Variants in SDHAF3 observed in about 807,000 individuals in gnomAD.
SDHAF3 encodes succinate dehydrogenase complex assembly factor 3.
A neutral mutation model predicts 11.5 loss-of-function variants in SDHAF3; 18 were observed. The ratio of observed to expected loss-of-function variants is 1.56; its 90% CI spans 1.08 to 2.32. The LOEUF (loss-of-function observed/expected upper bound fraction) is 2.32, where lower values mean the gene tolerates loss of function less well. Ranked by LOEUF, SDHAF3 falls within the 30% of genes most tolerant of loss-of-function variation. The probability of loss-of-function intolerance (pLI) is 0.00; values close to 1 mark genes in which losing one functional copy is unlikely to be tolerated. For synonymous variants in SDHAF3, 72 were observed against 59.3 expected, an observed-to-expected ratio of 1.21 and a Z score of -0.99; for missense variants, 200 against 154.4, an observed-to-expected ratio of 1.30 and a Z score of -1.57.
intron 1 of SDHAF3, among the ~76,000 whole-genome samples, chr7:97,155,718 T>C (rs1244603360): frequency 2.0e-5 from 3 of 152,150 alleles, no homozygotes; most frequent in African/African-American, 7.2e-5. Flanking sequence ...TGGGGATATA[T>C]GGACAGTAGT....
chr7:97,179,790 T>G (rs1440582616), intron 1 of SDHAF3, among the ~76,000 whole-genome samples: 1 of 146,932 alleles, frequency 6.8e-6, no homozygotes, highest in Non-Finnish European at 1.5e-5. Context: ...AGAAGTGGAA[T>G]TGATAAAACT....
At position 97,154,878 on chromosome 7, in the gene SDHAF3, G is replaced by A. The variant is rs145540350; in HGVS notation, c.175-26134G>A. Among the ~76,000 whole-genome samples the A allele has an allele frequency of 2.2e-3, 336 of 152,236 alleles. 1 individual carries two copies. The highest frequency in any genetic ancestry group is 7.7e-3 in the African/African-American group (320 of 41,530). On this transcript the variant is annotated intron_variant, in intron 1 of 1. Transcript: ENST00000432641. ...CTTAGGGATATCCAGTTGCTTCAGC[G>A]TAATTTGTTAAAAGACTATTTCTCC...
At chr7:97,166,003 C>G (rs1358513997) in intron 1 of SDHAF3, among the ~76,000 whole-genome samples, 1 of 152,134 alleles carries the variant, frequency 6.6e-6, no homozygotes, top group Non-Finnish European at 1.5e-5. Context: ...AGAGGCAAAC[C>G]TGGGGCAGGG....
In SDHAF3 at chr7:97,117,874, C is replaced by T; in HGVS notation, c.151C>T (p.Gln51Ter). The T allele has an allele frequency of 1.2e-6, 2 of 1,614,186 alleles. No individual in the cohort carries two copies. Among genetic ancestry groups the T allele is most frequent in the Non-Finnish European group, 1.7e-6 (2 of 1,179,996 alleles). ...TAAGACCGTTGGTTCTGACGAGGCA[C>T]AGCGTTTCTTGCAAGAATGGGAGGC... ...RHKTVGSDEA[Q>*]RFLQEWEVYA... is the part of the protein sequence containing the mutation. The change falls in exon 1 of 2, where the codon CAG becomes TAG. Residue 51 changes from glutamine (Q) to a stop codon, truncating the protein, a stop_gained. Transcript: ENST00000432641. LOFTEE classifies it high-confidence loss of function.
Position 97,117,744 on chromosome 7 carries a change from T to A in SDHAF3, c.21T>A (p.Ser7=), listed in dbSNP as rs1791425796. The A allele has an allele frequency of 1.2e-6, 2 of 1,613,466 alleles. No homozygotes were observed. The highest frequency in any genetic ancestry group is 1.7e-6 in the Non-Finnish European group (2 of 1,179,704). The change falls in exon 1 of 2, where the codon TCT becomes TCA. Residue 7 remains serine, a synonymous_variant. Transcript: ENST00000432641. ...GCGCTATGCCGGGGCGGCACGTTTCTCGAGTCCGGGCATTGTACAAGCGCG... is the reference window on the plus strand; with the variant it reads ...GCGCTATGCCGGGGCGGCACGTTTCACGAGTCCGGGCATTGTACAAGCGCG... The part of the protein sequence containing the change: MPGRHV[S]RVRALYKRVL...
At chr7:97,142,042 CTTTTTTTTTTTTTTT>C (rs71131003) in intron 1 of SDHAF3, among the ~76,000 whole-genome samples, 4 of 61,680 alleles carry the variant, frequency 6.5e-5, no homozygotes, top group African/African-American at 1.9e-4. Context: ...GAATTGTTGT[CTTTTTTTTTTTTTTT>C]TTTTTTTTTT....
chr7:97,135,628 A>ATGTG (rs1791747343), intron 1 of SDHAF3: 1 of 100,768 alleles, frequency 9.9e-6, no homozygotes, highest in African/African-American at 4.0e-5. Flanking sequence ...TGTGAGATGT[A>ATGTG]TGTGCGTGCG....
intron 1 of SDHAF3, among the ~76,000 whole-genome samples, chr7:97,162,066 C>G (rs931366875): frequency 6.6e-6 from 1 of 152,184 alleles, no homozygotes; most frequent in Admixed American, 6.5e-5. Context: ...TAAAAGTGTT[C>G]CTATTTCTCC....
At chr7:97,162,430 A>C (rs758455591) in intron 1 of SDHAF3, among the ~76,000 whole-genome samples, 7 of 151,470 alleles carry the variant, frequency 4.6e-5, no homozygotes, top group Admixed American at 6.6e-5. Context: ...CTAGATTTTG[A>C]ATTTGTTTCC....
At chr7:97,134,999 T>C (rs1791728218) in intron 1 of SDHAF3, 1 of 152,176 alleles carries the variant, frequency 6.6e-6, no homozygotes, top group Non-Finnish European at 1.5e-5. Context: ...GTTTTATTTC[T>C]TCTTCATACC....
chr7:97,124,636 G>A (rs1791547387), intron 1 of SDHAF3, among the ~76,000 whole-genome samples: 1 of 152,048 alleles, frequency 6.6e-6, no homozygotes, highest in South Asian at 2.1e-4. Context: ...TAGCATGGAA[G>A]GTTTTTCCAT....
At chr7:97,130,797 C>T (rs1791658063) in intron 1 of SDHAF3, among the ~76,000 whole-genome samples, 1 of 152,236 alleles carries the variant, frequency 6.6e-6, no homozygotes, top group Non-Finnish European at 1.5e-5. Context: ...ATAGTATTCC[C>T]TACCTGAAGG....
chr7:97,131,899 T>C (rs917173404), intron 1 of SDHAF3, among the ~76,000 whole-genome samples: 5 of 152,120 alleles, frequency 3.3e-5, no homozygotes, highest in African/African-American at 1.2e-4. Context: ...AATAATGAAA[T>C]TATAGCCACA....
chr7:97,132,053 CTTGA>C (rs1791678743), intron 1 of SDHAF3, among the ~76,000 whole-genome samples: 1 of 152,032 alleles, frequency 6.6e-6, no homozygotes, highest in South Asian at 2.1e-4. Context: ...CTCAGATTTT[CTTGA>C]TTATCTGTAA....
intron 1 of SDHAF3, among the ~76,000 whole-genome samples, chr7:97,173,209 C>T (rs939349079): frequency 6.6e-6 from 1 of 152,142 alleles, no homozygotes. Flanking sequence ...AAATTTCAAA[C>T]CTGTAGTTGA....
intron 1 of SDHAF3, among the ~76,000 whole-genome samples, chr7:97,141,449 G>A (rs1459720722): frequency 6.6e-6 from 1 of 151,960 alleles, no homozygotes; most frequent in African/African-American, 2.4e-5. Flanking sequence ...TGTCTTCCCC[G>A]GACACCCAGC....
At chr7:97,174,104 A>AGACAGGGTTTCACCATGTTGGCCAG (rs1417530092) in intron 1 of SDHAF3, among the ~76,000 whole-genome samples, 2 of 151,880 alleles carry the variant, frequency 1.3e-5, no homozygotes, top group African/African-American at 4.8e-5. Context: ...TTTTTATTAG[A>AGACAGGGTTTCACCATGTTGGCCAG]GACAGGGTTT....
chr7:97,145,749 T>C (rs570333305), intron 1 of SDHAF3, among the ~76,000 whole-genome samples: 34 of 152,326 alleles, frequency 2.2e-4, no homozygotes, highest in Admixed American at 3.9e-4. Context: ...AGTGTTCTCT[T>C]AAATTTTCTT....
chr7:97,141,902 A>G (rs899887261), intron 1 of SDHAF3, among the ~76,000 whole-genome samples: 2 of 152,160 alleles, frequency 1.3e-5, no homozygotes, highest in African/African-American at 2.4e-5. Context: ...TTAATGGGAC[A>G]GTAGTATGTT....
Sources: allele counts gnomAD v4.1 joint callset (sites outside exome capture counted in the v4.1 genomes callset), GRCh38; gene constraint gnomAD v4.1.1; transcripts MANE v1.5; gene names NCBI Gene and HGNC (gene_info 2026-07-23, HGNC 2026-07-21).